Variants in EVL observed in about 807,000 individuals in gnomAD.
The protein encoded by EVL is ena/VASP-like protein.
EVL carries 21 observed loss-of-function variants against 59.6 expected under a neutral mutation model. That is an observed-to-expected ratio of 0.35 (90% CI 0.25 to 0.51). The LOEUF (loss-of-function observed/expected upper bound fraction) is 0.51. Among genes scored for constraint, EVL ranks in the 20% least tolerant of loss-of-function variants. EVL has a pLI of 0.97. For synonymous variants in EVL, 198 were observed against 203.5 expected (o/e 0.97, Z 0.23); for missense variants, 462 against 546.6 (o/e 0.85, Z 1.54).
At chr14:99,973,646 A>G (rs780455230) in intron 1 of EVL, among the ~76,000 whole-genome samples, 8 of 152,142 alleles carry the variant, frequency 5.3e-5, no homozygotes, top group African/African-American at 1.4e-4. Flanking sequence ...TATTTTTAGT[A>G]GAGACGGGGT....
chr14:100,133,978 G>A (rs953062225), intron 8 of EVL, among the ~76,000 whole-genome samples: 10 of 152,072 alleles, frequency 6.6e-5, no homozygotes, highest in East Asian at 1.9e-4. Flanking sequence ...ACAGCCTCCC[G>A]ACCCCCAGGC....
In EVL at chr14:100,135,969, G is replaced by A; in HGVS notation, c.964+1G>A. 1 of 1,613,444 alleles carries A rather than the reference G, an allele frequency of 6.2e-7. No homozygotes were observed. Among genetic ancestry groups the A allele is most frequent in the Non-Finnish European group, 8.5e-7 (1 of 1,179,978 alleles). ...GCCAGCCAGCCACCTAACTCCTCAG[G>A]TGAGAGGGCGCCCCCCGCTGACCCC... On this transcript the variant is annotated splice_donor_variant, in intron 9 of 13. Coordinates refer to ENST00000392920, the MANE Select transcript of EVL (RefSeq NM_016337.3). LOFTEE classifies it high-confidence loss of function.
chr14:100,017,854 C>T (rs551050606), intron 1 of EVL, among the ~76,000 whole-genome samples: 9 of 152,334 alleles, frequency 5.9e-5, no homozygotes, highest in Middle Eastern at 3.4e-3. Context: ...ACTCGTCAGT[C>T]GGCCTCGTTT....
chr14:100,083,260 A>G (rs1264153617), intron 1 of EVL, among the ~76,000 whole-genome samples: 2 of 152,206 alleles, frequency 1.3e-5, no homozygotes, highest in Non-Finnish European at 2.9e-5. Flanking sequence ...TGAGTGTACC[A>G]GAAGCAGTAA....
chr14:100,026,803 T>C (rs942310497), intron 1 of EVL, among the ~76,000 whole-genome samples: 2 of 152,208 alleles, frequency 1.3e-5, no homozygotes, highest in Non-Finnish European at 2.9e-5. Context: ...TATTATTAAA[T>C]GTCTGATAAT....
chr14:100,060,835 G>T (rs1441670104), upstream of EVL, among the ~76,000 whole-genome samples: 1 of 151,832 alleles, frequency 6.6e-6, no homozygotes, highest in Non-Finnish European at 1.5e-5. Flanking sequence ...TGCTGAAAAC[G>T]AAAGAAAAAG....
chr14:100,092,962 A>G (rs1013483917), intron 2 of EVL, among the ~76,000 whole-genome samples: 1 of 152,242 alleles, frequency 6.6e-6, no homozygotes, highest in Non-Finnish European at 1.5e-5. Context: ...GATGGGTACT[A>G]AATGAAGCAG....
chr14:100,022,388 C>T (rs2061141695), intron 1 of EVL, among the ~76,000 whole-genome samples: 1 of 151,520 alleles, frequency 6.6e-6, no homozygotes, highest in Admixed American at 6.6e-5. Context: ...AGCAATCCTT[C>T]TGCCTCAGCC....
chr14:100,126,905 A>G, intron 5 of EVL, 134 bp downstream of exon 5: 4 of 742,018 alleles, frequency 5.4e-6, no homozygotes, highest in Non-Finnish European at 8.8e-6. Context: ...AAGTGCAACC[A>G]CCACTTCAGA....
chr14:100,114,802 G>GGT lies in EVL; in HGVS notation c.359-8736_359-8735insTG, dbSNP rs1887228916. On this transcript the variant is annotated intron_variant, in intron 3 of 13. Transcript: ENST00000392920. The surrounding 1 kb of genome is among the most constrained non-coding windows in gnomAD (Gnocchi z 5.0). ...TCACTCCCACCTGCTCCGGGGGTGG[G>GGT]GGTGGGAGTGCTGGATCTTGGGGCG... Among the ~76,000 whole-genome samples the GGT allele has an allele frequency of 6.6e-6, 1 of 152,144 alleles. No homozygotes were observed. Among genetic ancestry groups the GGT allele is most frequent in the Admixed American group, 6.5e-5 (1 of 15,274 alleles).
At chr14:100,136,063 A>G in intron 9 of EVL, 95 bp downstream of exon 9, 1 of 1,401,850 alleles carries the variant, frequency 7.1e-7, no homozygotes, top group Non-Finnish European at 1.0e-6. Context: ...CAGCCTCTTT[A>G]GTATGCCTGA....
chr14:100,101,044 G>A (rs1336180416), intron 3 of EVL, among the ~76,000 whole-genome samples: 2 of 152,118 alleles, frequency 1.3e-5, no homozygotes, highest in African/African-American at 4.8e-5. Flanking sequence ...GCATGTTTCT[G>A]TGTCAAACAA....
chr14:100,084,324 C>A (rs1329581503), intron 1 of EVL, among the ~76,000 whole-genome samples: 1 of 152,172 alleles, frequency 6.6e-6, no homozygotes, highest in African/African-American at 2.4e-5. Context: ...AGATTACAGG[C>A]ATGAGCTACC....
chr14:99,984,057 A>G (rs1057193125), intron 1 of EVL, among the ~76,000 whole-genome samples: 4 of 152,230 alleles, frequency 2.6e-5, no homozygotes, highest in African/African-American at 9.6e-5. Flanking sequence ...TGCCACCTGT[A>G]CCTAAGATGG....
At position 100,004,578 on chromosome 14, in the gene EVL, TATTGTG is replaced by T. The variant is rs530885895; in HGVS notation, c.5+32523_5+32528del. Among the ~76,000 whole-genome samples the T allele has an allele frequency of 1.3e-4, 20 of 152,334 alleles. 1 individual carries two copies. In the South Asian group the frequency reaches 3.5e-3, roughly 27 times the overall value. On this transcript the variant is annotated intron_variant, in intron 1 of 13. Coordinates refer to the EVL transcript ENST00000402714. The stretch of plus-strand genomic sequence containing the variant: ...GTTTTGTCTTTTTAATAAATCCTCT[TATTGTG>T]ACTTACATACACCATTCATGACATG...
At chr14:100,041,419 T>C (rs1037940983) in intron 1 of EVL, among the ~76,000 whole-genome samples, 99 of 152,254 alleles carry the variant, frequency 6.5e-4, no homozygotes, top group African/African-American at 2.4e-3. Flanking sequence ...TGTCCTGTGG[T>C]GCAAATATAA....
At chr14:99,981,505 C>T (rs2060806463) in intron 1 of EVL, among the ~76,000 whole-genome samples, 1 of 152,096 alleles carries the variant, frequency 6.6e-6, no homozygotes, top group South Asian at 2.1e-4. Flanking sequence ...CATATTGTTT[C>T]ACATACAGAT....
chr14:100,062,658 G>A (rs2061858387), upstream of EVL, among the ~76,000 whole-genome samples: 1 of 152,104 alleles, frequency 6.6e-6, no homozygotes, highest in African/African-American at 2.4e-5. Flanking sequence ...TGTCAGACTG[G>A]GTGAAAATGC....
chr14:100,010,206 C>T (rs1182758756), intron 1 of EVL, among the ~76,000 whole-genome samples: 1 of 152,134 alleles, frequency 6.6e-6, no homozygotes. Context: ...TGAGGTAAAA[C>T]ATTTTGATTT....
Sources: allele counts gnomAD v4.1 joint callset (sites outside exome capture counted in the v4.1 genomes callset), GRCh38; gene constraint gnomAD v4.1.1; non-coding constraint Gnocchi (gnomAD v3.1); transcripts MANE v1.5; gene names NCBI Gene and HGNC (gene_info 2026-07-23, HGNC 2026-07-21).